Variants in SUSD3 observed in about 807,000 individuals in gnomAD.
SUSD3 encodes the protein sushi domain containing 3.
In SUSD3, 18 loss-of-function variants were observed where a neutral mutation model predicts 20.6. The ratio of observed to expected loss-of-function variants is 0.87; its 90% confidence interval spans 0.60 to 1.30. The LOEUF is 1.30. Ranked by LOEUF, SUSD3 falls within the 50% of genes most tolerant of loss-of-function variation. SUSD3 has a pLI of 0.00. For missense variants in SUSD3, 306 were observed against 346.9 expected (o/e 0.88, Z 0.94); for synonymous variants, 137 against 141.5 (o/e 0.97, Z 0.23).
At chr9:93,081,424 G>C (rs112114551) in intron 4 of SUSD3, among the ~76,000 whole-genome samples, 3 of 152,082 alleles carry the variant, frequency 2.0e-5, no homozygotes, top group African/African-American at 4.8e-5. Context: ...TCCATGCCTC[G>C]GTTTCCTCAC....
intron 1 of SUSD3, among the ~76,000 whole-genome samples, chr9:93,075,079 C>T (rs572942258): frequency 5.9e-5 from 9 of 152,240 alleles, no homozygotes; most frequent in Non-Finnish European, 8.8e-5. Flanking sequence ...ACCTCACCGA[C>T]GCAGGAAAAA....
At chr9:93,079,213 G>A (rs1826300063) in intron 3 of SUSD3, among the ~76,000 whole-genome samples, 1 of 152,196 alleles carries the variant, frequency 6.6e-6, no homozygotes, top group Non-Finnish European at 1.5e-5. Context: ...GTATTTGTAA[G>A]TAAAGTTTTA....
At chr9:93,072,166 G>A (rs1825936020) in intron 1 of SUSD3, among the ~76,000 whole-genome samples, 1 of 151,860 alleles carries the variant, frequency 6.6e-6, no homozygotes. Context: ...CAAACCATAA[G>A]CCCCTCCCAC....
intron 4 of SUSD3, among the ~76,000 whole-genome samples, chr9:93,079,886 C>T (rs1386373152): frequency 6.6e-6 from 1 of 152,018 alleles, no homozygotes; most frequent in African/African-American, 2.4e-5. Flanking sequence ...GTTCCCTCCA[C>T]CTACACCCAG....
chr9:93,071,699 T>G (rs1410627750), intron 1 of SUSD3, among the ~76,000 whole-genome samples: 2 of 152,168 alleles, frequency 1.3e-5, no homozygotes, highest in Non-Finnish European at 2.9e-5. Context: ...AATGCAGAAG[T>G]GACACAGCAT....
intron 1 of SUSD3, among the ~76,000 whole-genome samples, chr9:93,071,934 G>T (rs1431729682): frequency 6.6e-6 from 1 of 152,092 alleles, no homozygotes; most frequent in African/African-American, 2.4e-5. Context: ...CATCAGGTGG[G>T]GCTCCCGAAA....
At chr9:93,064,338 A>G (rs370183203) in intron 1 of SUSD3, among the ~76,000 whole-genome samples, 79 of 152,150 alleles carry the variant, frequency 5.2e-4, no homozygotes, top group South Asian at 2.1e-3. Flanking sequence ...GAGCCACCGC[A>G]CCCAGCCGAC....
intron 1 of SUSD3, among the ~76,000 whole-genome samples, chr9:93,059,399 G>A (rs547951217): frequency 1.3e-5 from 2 of 152,360 alleles, no homozygotes; most frequent in Admixed American, 1.3e-4. Context: ...AGGCTCAGAG[G>A]CCTTTGGAAG....
chr9:93,075,650 G>A, intron 1 of SUSD3, 134 bp from the exon 2 acceptor site: 1 of 649,290 alleles, frequency 1.5e-6, no homozygotes, highest in South Asian at 1.8e-5. Context: ...AGCATCCAAT[G>A]GCCTTTGGAG....
chr9:93,079,746 A>C, intron 4 of SUSD3, 144 bp downstream of exon 4: 1 of 815,824 alleles, frequency 1.2e-6, no homozygotes, highest in Non-Finnish European at 1.9e-6. Context: ...CCCATCTCTA[A>C]AACAAGAGGC....
intron 3 of SUSD3, among the ~76,000 whole-genome samples, chr9:93,079,153 G>A (rs933460047): frequency 6.6e-6 from 1 of 152,148 alleles, no homozygotes; most frequent in African/African-American, 2.4e-5. Context: ...GTATGTTCAC[G>A]ATGTAGTGCA....
At chr9:93,084,124 C>T (rs951716104) in intron 4 of SUSD3, among the ~76,000 whole-genome samples, 2 of 152,074 alleles carry the variant, frequency 1.3e-5, no homozygotes, top group African/African-American at 4.8e-5. Context: ...GCAGGCCTGG[C>T]AGGAGGGAAG....
intron 4 of SUSD3, among the ~76,000 whole-genome samples, chr9:93,083,310 T>C (rs1458442853): frequency 1.3e-5 from 2 of 152,068 alleles, no homozygotes; most frequent in African/African-American, 4.8e-5. Context: ...TGCCCAGGGC[T>C]ACAAAGCCGA....
chr9:93,075,731 T>TGGGGGGGGGGGGGGGGGGG, intron 1 of SUSD3, 53 bp from the exon 2 acceptor site: 8 of 398,888 alleles, frequency 2.0e-5, no homozygotes, highest in Admixed American at 3.8e-5. Flanking sequence ...AGCCCTGCCC[T>TGGGGGGGGGGGGGGGGGGG]GCGTGCCCAC....
chr9:93,080,225 AGGAGAATCACTT>A (rs776965731), intron 4 of SUSD3, among the ~76,000 whole-genome samples: 2 of 148,278 alleles, frequency 1.3e-5, no homozygotes, highest in Non-Finnish European at 3.0e-5. Flanking sequence ...AGGCAGAGAC[AGGAGAATCACTT>A]GAACCCAGGA....
intron 1 of SUSD3, among the ~76,000 whole-genome samples, chr9:93,074,735 C>T (rs933721602): frequency 2.6e-5 from 4 of 151,314 alleles, no homozygotes; most frequent in Admixed American, 6.6e-5. Flanking sequence ...CTGCCTCAGC[C>T]TCCTGAGTAG....
intron 1 of SUSD3, among the ~76,000 whole-genome samples, chr9:93,067,504 GT>G (rs1564186833): frequency 1.3e-5 from 2 of 152,064 alleles, no homozygotes; most frequent in Admixed American, 6.5e-5. Flanking sequence ...CCACCGGACA[GT>G]TTTCCAAAGC....
intron 1 of SUSD3, among the ~76,000 whole-genome samples, chr9:93,063,733 G>T (rs1825595702): frequency 6.6e-6 from 1 of 152,080 alleles, no homozygotes; most frequent in South Asian, 2.1e-4. Flanking sequence ...ACTTCCCCCA[G>T]ACCCTCTGCT....
chr9:93,069,633 A>C lies in SUSD3; in HGVS notation c.89-6151A>C, dbSNP rs372068917. Among the ~76,000 whole-genome samples the C allele has an allele frequency of 2.0e-5, 3 of 152,308 alleles. No individual in the cohort carries two copies. In the South Asian group the frequency reaches 6.2e-4, roughly 32 times the overall value. On this transcript the variant is annotated intron_variant, in intron 1 of 4. Transcript: ENST00000375472. ...AATTTGCTCACTGCTACTGTACAGA[A>C]ATACATTGACTTCTGTATGTTGACC... is the stretch of plus-strand genomic sequence containing the variant.
Sources: gnomAD v4.1 joint callset for allele counts (sites outside exome capture counted in the v4.1 genomes callset) on GRCh38, gnomAD v4.1.1 for gene constraint, MANE v1.5 for transcripts, NCBI Gene and HGNC (gene_info 2026-07-23, HGNC 2026-07-21) for gene names.